The following HEPH variants were observed in gnomAD, a reference collection of about 807,000 sequenced individuals.
The protein encoded by HEPH is hephaestin.
A neutral mutation model predicts 80.8 loss-of-function variants in HEPH; 69 were observed. The observed-to-expected ratio is 0.85, with a 90% CI of 0.70 to 1.04. The LOEUF (loss-of-function observed/expected upper bound fraction) is 1.04. HEPH is among the 50% of genes least tolerant of loss of function. HEPH has a pLI of 0.00. For synonymous variants in HEPH, 431 were observed against 322.8 expected, an observed-to-expected ratio of 1.34 and a Z score of -3.60; for missense variants, 1,115 against 891.3, an observed-to-expected ratio of 1.25 and a Z score of -3.20.
intron 15 of HEPH, among the ~76,000 whole-genome samples, chrX:66,234,487 G>A (rs950028052): frequency 1.8e-5 from 2 of 111,054 alleles, no homozygotes; most frequent in Non-Finnish European, 3.8e-5. Flanking sequence ...GTGAGGAATC[G>A]CCATACTGTT....
chrX:66,226,724 C>A (rs2089905658), intron 15 of HEPH, among the ~76,000 whole-genome samples: 1 of 111,111 alleles, frequency 9.0e-6, no homozygotes, highest in African/African-American at 3.3e-5. Flanking sequence ...ATATACAATG[C>A]TCCTAGTTTA....
chrX:66,239,552 C>A (rs747610478), intron 15 of HEPH, among the ~76,000 whole-genome samples: 4 of 111,124 alleles, frequency 3.6e-5, no homozygotes, highest in African/African-American at 6.5e-5. Context: ...TTCACATAAT[C>A]ATTTTGGGGT....
intron 15 of HEPH, among the ~76,000 whole-genome samples, chrX:66,238,743 A>T (rs956893253): frequency 1.8e-5 from 2 of 111,683 alleles, no homozygotes; most frequent in African/African-American, 6.5e-5. Flanking sequence ...TGAAATGGGA[A>T]ATCAGGGGTC....
chrX:66,211,016 C>A (rs1452237736), intron 15 of HEPH, among the ~76,000 whole-genome samples: 2 of 111,229 alleles, frequency 1.8e-5, no homozygotes, highest in Non-Finnish European at 3.8e-5. Context: ...AGATTATCAT[C>A]AGTTTGAGAT....
chrX:66,222,214 A>G (rs2089682045), intron 15 of HEPH, among the ~76,000 whole-genome samples: 2 of 112,906 alleles, frequency 1.8e-5, no homozygotes, highest in South Asian at 3.6e-4. Flanking sequence ...ATGTTGGGAG[A>G]CGGAGGTTGG....
At chrX:66,179,904 T>A (rs998001362) in intron 4 of HEPH, among the ~76,000 whole-genome samples, 2 of 111,838 alleles carry the variant, frequency 1.8e-5, no homozygotes, top group Admixed American at 1.9e-4. Flanking sequence ...TAGCTTCTCC[T>A]ACTCACTTTT....
intron 4 of HEPH, among the ~76,000 whole-genome samples, chrX:66,178,191 A>G (rs2086904231): frequency 9.0e-6 from 1 of 110,758 alleles, no homozygotes; most frequent in Admixed American, 9.6e-5. Flanking sequence ...GAGAACATGC[A>G]GTGTTTGGTT....
chrX:66,250,907 A>C (rs2090977384), intron 15 of HEPH, among the ~76,000 whole-genome samples: 1 of 112,079 alleles, frequency 8.9e-6, no homozygotes, highest in Non-Finnish European at 1.9e-5. Flanking sequence ...TGATTGAGAC[A>C]GAGTCTCGCT....
intron 15 of HEPH, among the ~76,000 whole-genome samples, chrX:66,219,817 G>A (rs2089561953): frequency 9.0e-6 from 1 of 111,382 alleles, no homozygotes; most frequent in Non-Finnish European, 1.9e-5. Context: ...GGGTATTTTG[G>A]TGTAAGCTCT....
Position 66,192,117 on chromosome X carries a change from G to A in HEPH, c.1064-13G>A, listed in dbSNP as rs770462629. 1.5e-5 allele frequency: 18 copies of A among 1,198,029 alleles called. No homozygotes were observed. Among genetic ancestry groups the A allele is most frequent in the Admixed American group, 2.2e-5 (1 of 45,394 alleles). On this transcript the variant is annotated splice_polypyrimidine_tract_variant and intron_variant, in intron 6 of 20. Transcript: ENST00000343002. ...TGGATAGAATGGGGTCAGCCATAATGTTCTTCCTTCAGATGGCATGCAGGC... is the reference window on the plus strand; with the variant it reads ...TGGATAGAATGGGGTCAGCCATAATATTCTTCCTTCAGATGGCATGCAGGC...
intron 4 of HEPH, among the ~76,000 whole-genome samples, chrX:66,180,748 C>A (rs1397526156): frequency 2.3e-5 from 2 of 85,152 alleles, no homozygotes; most frequent in Non-Finnish European, 4.4e-5. Flanking sequence ...GCACATTGTG[C>A]AGGTTAGTTA....
intron 1 of HEPH, among the ~76,000 whole-genome samples, chrX:66,166,619 A>T (rs1337837890): frequency 8.9e-6 from 1 of 112,421 alleles, no homozygotes; most frequent in African/African-American, 3.2e-5. Flanking sequence ...GAGGATAGAA[A>T]GGATGTCAAT....
chrX:66,186,231 C>T (rs1422901063), intron 4 of HEPH, among the ~76,000 whole-genome samples: 1 of 99,453 alleles, frequency 1.0e-5, no homozygotes, highest in Non-Finnish European at 2.0e-5. Flanking sequence ...TGGGCTCCCC[C>T]CAGTTCGAGC....
intron 3 of HEPH, 147 bp from the exon 4 acceptor site, chrX:66,173,442 G>A: frequency 4.6e-6 from 2 of 434,937 alleles, no homozygotes; most frequent in Admixed American, 8.0e-5. Context: ...CTCTCCTTAG[G>A]TTGTGAGGAA....
chrX:66,187,551 C>T (rs1282901045), intron 4 of HEPH, among the ~76,000 whole-genome samples: 1 of 111,934 alleles, frequency 8.9e-6, no homozygotes, highest in Non-Finnish European at 1.9e-5. Context: ...GTCTACCTGG[C>T]TCTGGGCTGA....
At chrX:66,186,692 G>T (rs180687886) in intron 4 of HEPH, among the ~76,000 whole-genome samples, 1 of 111,668 alleles carries the variant, frequency 9.0e-6, no homozygotes, top group Non-Finnish European at 1.9e-5. Flanking sequence ...GCTGTAGACC[G>T]GAGCTGTTCC....
chrX:66,202,372 G>C lies in HEPH; in HGVS notation c.2078-992G>C, dbSNP rs1363225876. 4.5e-5 allele frequency among the ~76,000 whole-genome samples: 5 copies of C among 111,942 alleles called. No homozygotes were observed. The East Asian group carries it at 1.1e-3, about 25-fold the overall frequency. On this transcript the variant is annotated intron_variant, in intron 12 of 20. Transcript: ENST00000343002. ...CATAGAAGGCTTTGAAAGCCAGGAAGAAGAGTTTGTAGTGATGGGATAAGC... is the reference window on the plus strand; with the variant it reads ...CATAGAAGGCTTTGAAAGCCAGGAACAAGAGTTTGTAGTGATGGGATAAGC...
chrX:66,231,121 G>C (rs1185003837), intron 15 of HEPH, among the ~76,000 whole-genome samples: 1 of 109,692 alleles, frequency 9.1e-6, no homozygotes, highest in Non-Finnish European at 1.9e-5. Context: ...GCTCTGTTCT[G>C]TTCCATTGAT....
chrX:66,238,961 AT>A (rs779501622), intron 15 of HEPH, among the ~76,000 whole-genome samples: 103 of 112,710 alleles, frequency 9.1e-4, no homozygotes, highest in Non-Finnish European at 1.5e-3. Flanking sequence ...CGCTCATGCT[AT>A]TGTTTGTGGT....
Sources: gnomAD v4.1 joint callset for allele counts (sites outside exome capture counted in the v4.1 genomes callset) on GRCh38, gnomAD v4.1.1 for gene constraint, MANE v1.5 for transcripts, NCBI Gene and HGNC (gene_info 2026-07-23, HGNC 2026-07-21) for gene names.